Variants in PHIP observed in about 807,000 individuals in gnomAD.
The protein encoded by PHIP is PHIP subunit of CUL4-Ring ligase complex, also known as PH-interacting protein.
In PHIP, 54 loss-of-function variants were observed where a neutral mutation model predicts 236.8. The ratio of observed to expected loss-of-function variants is 0.23; its 90% CI spans 0.18 to 0.29. The LOEUF is 0.29. PHIP is among the 10% of genes least tolerant of loss of function. The pLI, the probability that PHIP is intolerant of heterozygous loss-of-function variation, is 1.00. For missense variants in PHIP, 1,370 were observed against 2,190.8 expected, an observed-to-expected ratio of 0.63 and a Z score of 7.48; for synonymous variants, 756 against 718.9, an observed-to-expected ratio of 1.05 and a Z score of -0.83.
intron 7 of PHIP, among the ~76,000 whole-genome samples, chr6:79,029,271 C>T (rs553047912): frequency 3.9e-5 from 6 of 152,246 alleles, no homozygotes; most frequent in Middle Eastern, 6.8e-3. Context: ...TCAGGACTCC[C>T]GGAAGATTTT....
At chr6:78,999,663 G>A (rs1769860079) in intron 17 of PHIP, among the ~76,000 whole-genome samples, 1 of 152,046 alleles carries the variant, frequency 6.6e-6, no homozygotes, top group Non-Finnish European at 1.5e-5. Flanking sequence ...ACAAGTATAT[G>A]AGAAGATCTG....
At chr6:78,959,237 T>C (rs770248324) in intron 31 of PHIP, among the ~76,000 whole-genome samples, 4 of 152,126 alleles carry the variant, frequency 2.6e-5, no homozygotes, top group Non-Finnish European at 5.9e-5. Context: ...GAATATTATC[T>C]AATATGTGGC....
In PHIP at chr6:79,042,935, A is replaced by G. The variant is rs1772298824; in HGVS notation, c.508T>C (p.Tyr170His). 1 of 1,612,068 alleles carries G rather than the reference A, an allele frequency of 6.2e-7. No individual in the cohort carries two copies. The highest frequency in any genetic ancestry group is 8.5e-7 in the Non-Finnish European group (1 of 1,178,484). ...RLERLVPTAV[Y>H]QHMKMHKRIL... is the part of the protein sequence containing the mutation. Reference sequence around the variant, plus strand: ...CGTTTATGCATTTTCATGTGCTGATACACTGCAGTTGGAACAAGTCGCTCA... The same window carrying G: ...CGTTTATGCATTTTCATGTGCTGATGCACTGCAGTTGGAACAAGTCGCTCA... The change falls in exon 7 of 40, where the codon TAT (tyrosine) becomes CAT (histidine). Residue 170 changes from tyrosine to histidine, a missense_variant. Tyr to His is a moderately conservative substitution (Grantham distance 83). Transcript: ENST00000275034.
intron 6 of PHIP, among the ~76,000 whole-genome samples, chr6:79,049,771 T>C (rs66587298): frequency 0.1 from 15,915 of 152,068 alleles, 856 homozygotes; most frequent in Middle Eastern, 0.19. Context: ...CATCAGAGAG[T>C]AATGTCTATA....
rs550448030 is a variant in PHIP, at chr6:79,062,852, A to AC, written c.190-2035dup. 6.4e-4 allele frequency among the ~76,000 whole-genome samples: 97 copies of AC among 151,862 alleles called. 1 individual carries two copies. In the South Asian group the frequency reaches 8.1e-3, roughly 13 times the overall value. On this transcript the variant is annotated intron_variant, in intron 4 of 39. Coordinates refer to ENST00000275034, the MANE Select transcript of PHIP (RefSeq NM_017934.7). The stretch of plus-strand genomic sequence containing the variant: ...TCTTGTCTTACCTGCTCACCTCTAC[A>AC]CCTCATTCTCCTTCATGTCTCAGTC...
rs1773254486 is a variant in PHIP, at chr6:78,935,856, G to C, written c.*4837C>G. 1 of 536,598 alleles carries C rather than the reference G, an allele frequency of 1.9e-6. No individual in the cohort carries two copies. Among genetic ancestry groups the C allele is most frequent in the African/African-American group, 2.1e-5 (1 of 48,538 alleles). The allele number at this position is 536,598 out of a possible 1,614,324, so 33.2% of individuals were successfully genotyped here. A position where few individuals can be genotyped will look rare whatever the true frequency, so the allele number is the denominator to read the frequency against. On this transcript the variant is annotated 3_prime_UTR_variant, in exon 40 of 40. Transcript: ENST00000275034. ...TAAAAAGCAAATAATAAATCATGAG[G>C]CTCTACAAAATAGCTTAGAAAAACA...
chr6:78,988,138 G>T, intron 21 of PHIP, 71 bp downstream of exon 21: 1 of 1,115,318 alleles, frequency 9.0e-7, no homozygotes, highest in South Asian at 2.1e-5. Flanking sequence ...CAATAAATGC[G>T]AAGAATGAAA....
chr6:78,953,464 T>C (rs1018269056), intron 35 of PHIP, among the ~76,000 whole-genome samples: 1 of 152,192 alleles, frequency 6.6e-6, no homozygotes, highest in African/African-American at 2.4e-5. Flanking sequence ...AAAGAATACA[T>C]AGCTGAGCTT....
Position 78,952,521 on chromosome 6 carries a change from A to G in PHIP, c.4053+2293T>C, listed in dbSNP as rs1766110224. On this transcript the variant is annotated intron_variant, in intron 35 of 39. Transcript: ENST00000275034. ...TCTCCCATTCTGTCTATTCTCTTCCACTGAAATTTTTGTTAGACATATTTT... is the reference window on the plus strand; with the variant it reads ...TCTCCCATTCTGTCTATTCTCTTCCGCTGAAATTTTTGTTAGACATATTTT... Among the ~76,000 whole-genome samples, 6 of 150,768 alleles carry G rather than the reference A, an allele frequency of 4.0e-5. No homozygotes were observed. In the South Asian group the frequency reaches 1.1e-3, roughly 26 times the overall value.
chr6:78,962,278 T>C (rs563544278), intron 30 of PHIP, among the ~76,000 whole-genome samples: 2 of 152,258 alleles, frequency 1.3e-5, no homozygotes, highest in East Asian at 3.9e-4. Context: ...CCAGAAGTTT[T>C]GATTCAGTGA....
At chr6:79,023,751 C>T (rs978067450) in intron 9 of PHIP, among the ~76,000 whole-genome samples, 4 of 152,088 alleles carry the variant, frequency 2.6e-5, no homozygotes, top group Non-Finnish European at 4.4e-5. Context: ...GACAAGCTTA[C>T]TTCTCAAGCA....
At chr6:79,073,662 C>A (rs1774005824) in intron 4 of PHIP, among the ~76,000 whole-genome samples, 1 of 151,758 alleles carries the variant, frequency 6.6e-6, no homozygotes. Context: ...AAGATATATA[C>A]TTAAATAAAT....
chr6:79,029,652 C>T (rs1188335067), intron 7 of PHIP, among the ~76,000 whole-genome samples: 2 of 152,138 alleles, frequency 1.3e-5, no homozygotes, highest in African/African-American at 4.8e-5. Context: ...GCCTCAGCCT[C>T]CTGAGTAGCT....
chr6:79,025,797 C>G (rs1771373531), intron 8 of PHIP, 146 bp downstream of exon 8: 3 of 695,750 alleles, frequency 4.3e-6, no homozygotes, highest in Non-Finnish European at 7.4e-6. Flanking sequence ...CTCCTGTCTT[C>G]ATTTTAGTTG....
intron 29 of PHIP, 78 bp from the exon 30 acceptor site, chr6:78,963,330 CAGTCACAAAATTAA>C (rs1366951599): frequency 8.9e-7 from 1 of 1,121,722 alleles, no homozygotes. Context: ...GTAAAAATAA[CAGTCACAAAATTAA>C]AGTATATTTT....
intron 4 of PHIP, among the ~76,000 whole-genome samples, chr6:79,070,914 G>A (rs1006358433): frequency 6.6e-6 from 1 of 151,838 alleles, no homozygotes; most frequent in African/African-American, 2.4e-5. Context: ...TGTGACACCC[G>A]CAGATAAGGA....
In PHIP at chr6:78,955,256, T is replaced by C; in HGVS notation, c.3879A>G (p.Pro1293=). 6.2e-7 allele frequency: 1 copy of C among 1,610,490 alleles called. No individual in the cohort carries two copies. Among genetic ancestry groups the C allele is most frequent in the Middle Eastern group, 1.7e-4 (1 of 6,048 alleles). ...CCTTCCTTTTTCGAGTAGAAGTTCC[T>C]GGCACATCAGCATCTTTCTCTTCAT... ...SEDEEKDADV[P]GTSTRKRKDH... is the part of the protein sequence containing the mutation. The change falls in exon 34 of 40, where the codon CCA becomes CCG. Residue 1293 remains proline, a synonymous_variant. Transcript: ENST00000275034.
At chr6:79,047,562 T>G (rs1236212722) in intron 6 of PHIP, among the ~76,000 whole-genome samples, 1 of 152,198 alleles carries the variant, frequency 6.6e-6, no homozygotes, top group African/African-American at 2.4e-5. Context: ...GACAGACCTG[T>G]GTTCAAATTT....
rs921683900 is a variant in PHIP at position 78,935,564 on chromosome 6, C to G, written c.*5129G>C. The stretch of plus-strand genomic sequence containing the variant: ...AAGTATTTATCACTCATCACAGTAA[C>G]TTACGGTAAGAAATCAATAAAATTG... On this transcript the variant is annotated 3_prime_UTR_variant, in exon 40 of 40. Transcript: ENST00000275034. 3.1e-6 allele frequency: 3 copies of G among 968,540 alleles called. No homozygotes were observed. In the African/African-American group the frequency reaches 5.3e-5, roughly 17 times the overall value. The allele number at this position is 968,540 out of a possible 1,614,324, so 60.0% of individuals were successfully genotyped here.
Sources: gnomAD v4.1 joint callset for allele counts (sites outside exome capture counted in the v4.1 genomes callset) on GRCh38, gnomAD v4.1.1 for gene constraint, MANE v1.5 for transcripts, NCBI Gene and HGNC (gene_info 2026-07-23, HGNC 2026-07-21) for gene names.